The following SORCS3 variants were observed in gnomAD, a reference collection of about 807,000 sequenced individuals.
The protein encoded by SORCS3 is VPS10 domain-containing receptor SorCS3.
In SORCS3, 57 loss-of-function variants were observed where a neutral mutation model predicts 146.3. The observed-to-expected ratio is 0.39, with a 90% CI of 0.31 to 0.49. The LOEUF (loss-of-function observed/expected upper bound fraction) is 0.49, where lower values mean the gene tolerates loss of function less well. SORCS3 is among the 20% of genes least tolerant of loss of function. SORCS3 has a pLI of 0.92. For synonymous variants in SORCS3, 653 were observed against 618.5 expected (o/e 1.06, Z -0.83); for missense variants, 1,341 against 1,575.5 (o/e 0.85, Z 2.52).
In SORCS3 at chr10:105,027,324, T is replaced by G. The variant is rs1005277194; in HGVS notation, c.955-15731T>G. Among the ~76,000 whole-genome samples the G allele has an allele frequency of 2.0e-5, 3 of 152,182 alleles. No individual in the cohort carries two copies. In the East Asian group the frequency reaches 5.8e-4, roughly 29 times the overall value. On this transcript the variant is annotated intron_variant, in intron 4 of 26. Coordinates refer to ENST00000369701, the MANE Select transcript of SORCS3 (RefSeq NM_014978.3). ...TTAGCTTGATTTAATTCTTCCACAT[T>G]GTGTTCACGGATCATAATATCACGT...
chr10:104,739,048 C>T (rs529604972), intron 1 of SORCS3, among the ~76,000 whole-genome samples: 16 of 152,226 alleles, frequency 1.1e-4, no homozygotes, highest in Non-Finnish European at 1.9e-4. Flanking sequence ...TTAGAAAACA[C>T]AAGGAAGCCA....
intron 5 of SORCS3, among the ~76,000 whole-genome samples, chr10:105,052,375 A>G (rs1401174856): frequency 6.6e-6 from 1 of 152,182 alleles, no homozygotes; most frequent in African/African-American, 2.4e-5. Context: ...TTAGAGGCAC[A>G]TGGCTTCCAA....
chr10:105,029,939 A>T (rs2055253875), intron 4 of SORCS3, among the ~76,000 whole-genome samples: 1 of 152,172 alleles, frequency 6.6e-6, no homozygotes, highest in African/African-American at 2.4e-5. Context: ...GACCCACTGA[A>T]TTGGATTTTC....
At chr10:104,706,477 G>T (rs913703538) in intron 1 of SORCS3, among the ~76,000 whole-genome samples, 3 of 152,070 alleles carry the variant, frequency 2.0e-5, no homozygotes, top group African/African-American at 7.2e-5. Context: ...AAAGTGCTGG[G>T]ATTACAGGCG....
At chr10:104,925,863 A>G (rs970395233) in intron 3 of SORCS3, among the ~76,000 whole-genome samples, 5 of 152,254 alleles carry the variant, frequency 3.3e-5, no homozygotes, top group African/African-American at 1.2e-4. Context: ...AATTGCTCCT[A>G]TGCAGCTTAT....
In SORCS3 at chr10:104,671,325, C is replaced by CTTTTTTTTTTTTTTTTTTTTTT. The variant is rs771029154; in HGVS notation, c.627+29377_627+29398dup. On this transcript the variant is annotated intron_variant, in intron 1 of 26. Coordinates refer to ENST00000369701, the MANE Select transcript of SORCS3 (RefSeq NM_014978.3). ...ATGTTAAGGTAGTTTCATTCTTTTC[C>CTTTTTTTTTTTTTTTTTTTTTT]TTTTTTTTTTTTTTTTTTTTTTTTT... Among the ~76,000 whole-genome samples the CTTTTTTTTTTTTTTTTTTTTTT allele has an allele frequency of 3.0e-3, 57 of 19,202 alleles. 22 individuals are homozygous for CTTTTTTTTTTTTTTTTTTTTTT. Among genetic ancestry groups the CTTTTTTTTTTTTTTTTTTTTTT allele is most frequent in the Admixed American group, 0.011 (9 of 814 alleles). The allele number at this position is 19,202 out of a possible 152,430, so 12.6% of individuals were successfully genotyped here.
intron 1 of SORCS3, among the ~76,000 whole-genome samples, chr10:104,719,493 G>A (rs1357787334): frequency 6.6e-6 from 1 of 152,204 alleles, no homozygotes; most frequent in African/African-American, 2.4e-5. Context: ...AGAATGGAAA[G>A]GTTGTGGAGA....
intron 5 of SORCS3, among the ~76,000 whole-genome samples, chr10:105,082,353 C>T (rs948793255): frequency 6.6e-6 from 1 of 151,720 alleles, no homozygotes; most frequent in Non-Finnish European, 1.5e-5. Flanking sequence ...AAGTATCAGT[C>T]GGGGAGCTGG....
chr10:105,056,665 C>A (rs1015993525), intron 5 of SORCS3, among the ~76,000 whole-genome samples: 1 of 152,150 alleles, frequency 6.6e-6, no homozygotes, highest in African/African-American at 2.4e-5. Flanking sequence ...ATGACAGATG[C>A]AAATCTTCTA....
intron 1 of SORCS3, among the ~76,000 whole-genome samples, chr10:104,708,490 C>T (rs962263897): frequency 6.6e-6 from 1 of 152,126 alleles, no homozygotes; most frequent in African/African-American, 2.4e-5. Flanking sequence ...GATGTTAGGC[C>T]AAAGAAGTTG....
At chr10:104,795,872 G>T (rs1043417592) in intron 1 of SORCS3, among the ~76,000 whole-genome samples, 1 of 152,210 alleles carries the variant, frequency 6.6e-6, no homozygotes. Context: ...CCAATTCCAT[G>T]TTCCACCTGC....
chr10:104,655,764 G>A (rs553805726), intron 1 of SORCS3, among the ~76,000 whole-genome samples: 1 of 152,174 alleles, frequency 6.6e-6, no homozygotes, highest in South Asian at 2.1e-4. Context: ...AAAGTGTGCA[G>A]TGCCTCCTGC....
chr10:105,141,872 T>C (rs1226084415), intron 8 of SORCS3, among the ~76,000 whole-genome samples: 1 of 152,200 alleles, frequency 6.6e-6, no homozygotes, highest in African/African-American at 2.4e-5. Context: ...TACTTATCCA[T>C]GAGCCCAGGT....
At chr10:104,823,991 A>G (rs1214671869) in intron 1 of SORCS3, among the ~76,000 whole-genome samples, 1 of 152,210 alleles carries the variant, frequency 6.6e-6, no homozygotes, top group Admixed American at 6.5e-5. Context: ...GAAGGGGACC[A>G]TGAGTCAAGG....
chr10:105,135,858 CTA>C (rs1429003064), intron 7 of SORCS3, among the ~76,000 whole-genome samples: 1 of 152,174 alleles, frequency 6.6e-6, no homozygotes, highest in Admixed American at 6.5e-5. Flanking sequence ...CCTTTACCGT[CTA>C]TATTTCTACA....
chr10:105,157,367 G>C, intron 10 of SORCS3, 83 bp downstream of exon 10: 22 of 1,542,280 alleles, frequency 1.4e-5, no homozygotes, highest in Non-Finnish European at 1.9e-5. Context: ...TTTCGTCAAA[G>C]GGTCTTAGGA....
At chr10:105,065,749 A>G (rs1445469740) in intron 5 of SORCS3, among the ~76,000 whole-genome samples, 3 of 152,248 alleles carry the variant, frequency 2.0e-5, no homozygotes. Context: ...CTAAAGCTTA[A>G]AAGACCAGAC....
rs1324347405 is a variant in SORCS3 at position 104,650,546 on chromosome 10, C to A, written c.627+8592C>A. ...AGTTAGATACTCAGACCATTAATGA[C>A]CAAACTAACACTCTACAAATAGATT... On this transcript the variant is annotated intron_variant, in intron 1 of 26. Transcript: ENST00000369701. Among the ~76,000 whole-genome samples the A allele has an allele frequency of 2.0e-5, 3 of 152,184 alleles. No individual in the cohort carries two copies. The East Asian group carries it at 5.8e-4, about 29-fold the overall frequency.
intron 4 of SORCS3, among the ~76,000 whole-genome samples, chr10:105,010,944 T>A (rs888271685): frequency 2.6e-5 from 4 of 152,104 alleles, no homozygotes; most frequent in African/African-American, 9.7e-5. Flanking sequence ...TGAAGGGAGC[T>A]GGTGCATATA....
Sources: allele counts gnomAD v4.1 joint callset (sites outside exome capture counted in the v4.1 genomes callset), GRCh38; gene constraint gnomAD v4.1.1; transcripts MANE v1.5; gene names NCBI Gene and HGNC (gene_info 2026-07-23, HGNC 2026-07-21).